Variants in WWOX observed in about 807,000 individuals in gnomAD.
WWOX encodes WW domain containing oxidoreductase.
Under a neutral mutation model 46.2 loss-of-function variants are expected in WWOX, and 69 were observed. The ratio of observed to expected loss-of-function variants is 1.49; its 90% CI spans 1.23 to 1.82. The LOEUF is 1.82. Among genes scored for constraint, WWOX ranks in the 40% most tolerant of loss-of-function variants. The pLI is 0.00. For missense variants in WWOX, 919 were observed against 542.6 expected (o/e 1.69, Z -6.89); for synonymous variants, 359 against 202.6 (o/e 1.77, Z -6.56).
chr16:78,571,140 T>G (rs2044706638), intron 8 of WWOX, among the ~76,000 whole-genome samples: 1 of 152,206 alleles, frequency 6.6e-6, no homozygotes, highest in Non-Finnish European at 1.5e-5. Flanking sequence ...GAAATGTACA[T>G]TTCTGAAAAT....
intron 8 of WWOX, among the ~76,000 whole-genome samples, chr16:79,141,774 C>G (rs961750561): frequency 1.3e-5 from 2 of 150,182 alleles, no homozygotes; most frequent in African/African-American, 4.9e-5. Context: ...GGATGACTCT[C>G]CATTGCTTCT....
chr16:79,169,627 G>C (rs543041359), intron 8 of WWOX, among the ~76,000 whole-genome samples: 32 of 152,314 alleles, frequency 2.1e-4, no homozygotes, highest in African/African-American at 7.2e-4. Flanking sequence ...GCTAAAGACA[G>C]AAATGATGGC....
Position 78,953,109 on chromosome 16 carries a change from A to G in WWOX, c.1057-258499A>G, listed in dbSNP as rs145586266. Reference sequence around the variant, plus strand: ...CCAACCAAATTGACTGTTAAATTCAATCATCAGTGACCACTCCTGATAATC... The same window carrying G: ...CCAACCAAATTGACTGTTAAATTCAGTCATCAGTGACCACTCCTGATAATC... On this transcript the variant is annotated intron_variant, in intron 8 of 8. Coordinates refer to ENST00000566780, the MANE Select transcript of WWOX (RefSeq NM_016373.4). Among the ~76,000 whole-genome samples the G allele has an allele frequency of 7.0e-4, 107 of 152,070 alleles. 1 individual carries two copies. Among genetic ancestry groups the G allele is most frequent in the Middle Eastern group, 3.4e-3 (1 of 294 alleles).
intron 1 of WWOX, among the ~76,000 whole-genome samples, chr16:78,103,908 C>G (rs368600773): frequency 1.6e-4 from 25 of 152,016 alleles, no homozygotes; most frequent in African/African-American, 6.0e-4. Flanking sequence ...TTGTGTGCCT[C>G]AAAGGCACAC....
At chr16:78,713,426 G>A (rs2048489491) in intron 8 of WWOX, among the ~76,000 whole-genome samples, 1 of 152,032 alleles carries the variant, frequency 6.6e-6, no homozygotes, top group African/African-American at 2.4e-5. Context: ...TCTGTTAGGA[G>A]CTGAATTATG....
At chr16:79,064,810 T>C in intron 8 of WWOX, among the ~76,000 whole-genome samples, 1 of 152,194 alleles carries the variant, frequency 6.6e-6, no homozygotes. Flanking sequence ...GCAAATAAGC[T>C]TAACTTATTT....
intron 5 of WWOX, among the ~76,000 whole-genome samples, chr16:78,171,392 T>G (rs1415499475): frequency 6.6e-6 from 1 of 152,162 alleles, no homozygotes; most frequent in Admixed American, 6.5e-5. Context: ...CCATGCAATC[T>G]CCTTTGACAC....
At chr16:79,085,125 C>T (rs1378673219) in intron 8 of WWOX, among the ~76,000 whole-genome samples, 3 of 152,164 alleles carry the variant, frequency 2.0e-5, no homozygotes, top group African/African-American at 4.8e-5. Flanking sequence ...ATACAATATA[C>T]ATATGTAAAT....
chr16:79,185,866 T>A (rs1175643354), intron 8 of WWOX, among the ~76,000 whole-genome samples: 1 of 152,090 alleles, frequency 6.6e-6, no homozygotes, highest in East Asian at 1.9e-4. Flanking sequence ...ATAAAAAAGA[T>A]AAATTTAGTG....
chr16:78,976,725 C>T (rs934318456), intron 8 of WWOX, among the ~76,000 whole-genome samples: 4 of 152,344 alleles, frequency 2.6e-5, no homozygotes, highest in African/African-American at 7.2e-5. Flanking sequence ...CCAGATACTA[C>T]TTCTATCTTC....
At chr16:78,411,688 C>G (rs1480416229) in intron 6 of WWOX, among the ~76,000 whole-genome samples, 1 of 152,056 alleles carries the variant, frequency 6.6e-6, no homozygotes, top group African/African-American at 2.4e-5. Context: ...TAGGCTTTAA[C>G]CAGTATTCAT....
At chr16:78,761,913 TGA>T (rs1224473907) in intron 8 of WWOX, among the ~76,000 whole-genome samples, 4 of 152,174 alleles carry the variant, frequency 2.6e-5, no homozygotes, top group African/African-American at 9.7e-5. Flanking sequence ...CTTGTGTGTG[TGA>T]GTGTGTGAGG....
Position 78,912,887 on chromosome 16 carries a change from C to G in WWOX, c.1057-298721C>G, listed in dbSNP as rs113777247. 1.8e-3 allele frequency among the ~76,000 whole-genome samples: 275 copies of G among 152,056 alleles called. 1 individual carries two copies. The highest frequency in any genetic ancestry group is 6.8e-3 in the Middle Eastern group (2 of 294). On this transcript the variant is annotated intron_variant, in intron 8 of 8. Coordinates refer to ENST00000566780, the MANE Select transcript of WWOX (RefSeq NM_016373.4). ...TGCCGTATCTTTAAAACACCATCAG[C>G]TTGGAAAACACTATCCATTAGCAAG...
chr16:79,159,741 C>T (rs998180779), intron 8 of WWOX, among the ~76,000 whole-genome samples: 4 of 152,210 alleles, frequency 2.6e-5, no homozygotes, highest in East Asian at 1.9e-4. Flanking sequence ...AGTTTTATTT[C>T]TTCAAATTTA....
chr16:78,239,017 G>A (rs770930825), intron 5 of WWOX, among the ~76,000 whole-genome samples: 52 of 152,076 alleles, frequency 3.4e-4, no homozygotes, highest in Non-Finnish European at 1.0e-4. Flanking sequence ...TCTCCACTTC[G>A]TGGACTCCTC....
intron 8 of WWOX, among the ~76,000 whole-genome samples, chr16:78,864,423 A>G (rs2043957624): frequency 6.6e-6 from 1 of 152,016 alleles, no homozygotes; most frequent in Non-Finnish European, 1.5e-5. Context: ...GCATGCCACC[A>G]CACCCAGCTA....
chr16:78,587,961 G>A (rs1001192426), intron 8 of WWOX, among the ~76,000 whole-genome samples: 2 of 152,124 alleles, frequency 1.3e-5, no homozygotes, highest in African/African-American at 4.8e-5. Context: ...TGGTTACAAG[G>A]GACTTCACCT....
At chr16:79,192,919 C>T (rs1425349961) in intron 8 of WWOX, among the ~76,000 whole-genome samples, 1 of 152,188 alleles carries the variant, frequency 6.6e-6, no homozygotes, top group East Asian at 1.9e-4. Flanking sequence ...GTCACTGGTA[C>T]AGTGGTTGAA....
At chr16:78,551,573 G>T (rs992891368) in intron 8 of WWOX, 7 of 152,302 alleles carry the variant, frequency 4.6e-5, no homozygotes, top group Admixed American at 1.3e-4. Context: ...CTGTCTGGTA[G>T]CTGTTTGCTC....
Sources: allele counts gnomAD v4.1 joint callset (sites outside exome capture counted in the v4.1 genomes callset), GRCh38; gene constraint gnomAD v4.1.1; transcripts MANE v1.5; gene names NCBI Gene and HGNC (gene_info 2026-07-23, HGNC 2026-07-21).